The following RBFOX1 variants were observed in gnomAD, a reference collection of about 807,000 sequenced individuals.
RBFOX1 encodes RNA binding fox-1 homolog 1.
A neutral mutation model predicts 57.7 loss-of-function variants in RBFOX1; 8 were observed. The ratio of observed to expected loss-of-function variants is 0.14; its 90% confidence interval spans 0.08 to 0.25. The LOEUF (loss-of-function observed/expected upper bound fraction) is 0.25. Among genes scored for constraint, RBFOX1 ranks in the 10% least tolerant of loss-of-function variants. The pLI is 1.00. For synonymous variants in RBFOX1, 326 were observed against 222.4 expected (o/e 1.47, Z -4.15); for missense variants, 611 against 548.5 (o/e 1.11, Z -1.14).
At chr16:6,994,924 G>A (rs2092027798) in intron 3 of RBFOX1, among the ~76,000 whole-genome samples, 1 of 150,334 alleles carries the variant, frequency 6.7e-6, no homozygotes, top group Non-Finnish European at 1.5e-5. Flanking sequence ...CCCTGATTGG[G>A]CATGTGATTC....
At chr16:7,645,992 T>A (rs2063668527) in intron 11 of RBFOX1, among the ~76,000 whole-genome samples, 1 of 151,688 alleles carries the variant, frequency 6.6e-6, no homozygotes, top group South Asian at 2.1e-4. Context: ...TTACTGGATT[T>A]TTTTAAAAAA....
At chr16:7,249,834 A>C (rs28498697) in intron 4 of RBFOX1, among the ~76,000 whole-genome samples, 3 of 152,342 alleles carry the variant, frequency 2.0e-5, no homozygotes, top group South Asian at 2.1e-4. Flanking sequence ...AAGTGGAAAT[A>C]CTTGAATAAA....
intron 5 of RBFOX1, among the ~76,000 whole-genome samples, chr16:7,544,797 T>C (rs182953693): frequency 6.6e-6 from 1 of 152,158 alleles, no homozygotes; most frequent in Non-Finnish European, 1.5e-5. Flanking sequence ...TTGTTGTTGT[T>C]GTTTTTGTTT....
At chr16:6,224,749 G>A (rs894921151) in intron 1 of RBFOX1, among the ~76,000 whole-genome samples, 6 of 152,114 alleles carry the variant, frequency 3.9e-5, no homozygotes, top group African/African-American at 9.7e-5. Flanking sequence ...GGCCAGGTGC[G>A]GTGGCTCACG....
chr16:5,370,363 C>T (rs2065826520), intron 1 of RBFOX1, among the ~76,000 whole-genome samples: 1 of 152,002 alleles, frequency 6.6e-6, no homozygotes, highest in Non-Finnish European at 1.5e-5. Flanking sequence ...TTGACGTCCT[C>T]CCTGGTGCCA....
intron 3 of RBFOX1, among the ~76,000 whole-genome samples, chr16:6,964,908 C>G (rs908985192): frequency 1.3e-5 from 2 of 152,180 alleles, no homozygotes; most frequent in East Asian, 3.8e-4. Context: ...TGACTTAAGC[C>G]AGGCTAATCC....
At chr16:5,793,140 C>G (rs923023212) in intron 3 of RBFOX1, among the ~76,000 whole-genome samples, 1 of 152,166 alleles carries the variant, frequency 6.6e-6, no homozygotes, top group Admixed American at 6.5e-5. Context: ...CCATGACTCC[C>G]TTTCTCTCTG....
intron 3 of RBFOX1, among the ~76,000 whole-genome samples, chr16:5,672,292 C>A (rs1454879868): frequency 1.3e-5 from 2 of 152,112 alleles, no homozygotes; most frequent in Non-Finnish European, 2.9e-5. Context: ...AATTACAGAT[C>A]AATAAACCTG....
intron 3 of RBFOX1, among the ~76,000 whole-genome samples, chr16:7,027,422 A>G (rs1055792834): frequency 5.3e-5 from 8 of 152,118 alleles, no homozygotes; most frequent in African/African-American, 1.9e-4. Context: ...CACCCTTAAC[A>G]TCTCCTTTTT....
At chr16:5,782,627 C>T (rs1431415516) in intron 3 of RBFOX1, among the ~76,000 whole-genome samples, 2 of 152,116 alleles carry the variant, frequency 1.3e-5, no homozygotes, top group East Asian at 1.9e-4. Context: ...GGAAACAGAA[C>T]CAATGGGAGA....
At chr16:5,836,551 C>G (rs2056463214) in intron 3 of RBFOX1, among the ~76,000 whole-genome samples, 1 of 152,212 alleles carries the variant, frequency 6.6e-6, no homozygotes, top group Non-Finnish European at 1.5e-5. Flanking sequence ...CCACTTCATC[C>G]CCAAGTCCTG....
At chr16:5,470,646 A>G (rs1403487872) in intron 2 of RBFOX1, among the ~76,000 whole-genome samples, 1 of 152,020 alleles carries the variant, frequency 6.6e-6, no homozygotes, top group Admixed American at 6.6e-5. Context: ...ACTGGGTCTC[A>G]TCATCTCTCT....
intron 4 of RBFOX1, among the ~76,000 whole-genome samples, chr16:7,065,708 G>A (rs570353463): frequency 8.7e-4 from 133 of 152,202 alleles, no homozygotes; most frequent in African/African-American, 3.2e-3. Context: ...ATAATACGCT[G>A]TGATTACCTG....
intron 2 of RBFOX1, among the ~76,000 whole-genome samples, chr16:5,489,380 C>T (rs1314621760): frequency 2.0e-5 from 3 of 152,212 alleles, no homozygotes; most frequent in African/African-American, 7.2e-5. Context: ...CCTCAAAGGG[C>T]TGGGCTCTGA....
At chr16:5,654,301 A>G (rs953845866) in intron 3 of RBFOX1, among the ~76,000 whole-genome samples, 1 of 152,182 alleles carries the variant, frequency 6.6e-6, no homozygotes, top group Non-Finnish European at 1.5e-5. Flanking sequence ...TCTGGGAGCC[A>G]AGTGTTGAAT....
intron 2 of RBFOX1, among the ~76,000 whole-genome samples, chr16:6,526,389 C>T (rs996666066): frequency 3.3e-5 from 5 of 152,192 alleles, no homozygotes; most frequent in Middle Eastern, 3.4e-3. Context: ...TAGTCTGAGT[C>T]GAATCATCAA....
intron 3 of RBFOX1, among the ~76,000 whole-genome samples, chr16:6,909,460 G>A (rs2070982460): frequency 6.6e-6 from 1 of 152,208 alleles, no homozygotes; most frequent in African/African-American, 2.4e-5. Context: ...ACCTTTCAGA[G>A]ATTACGATGC....
At chr16:6,343,913 A>G (rs1314436575) in intron 2 of RBFOX1, among the ~76,000 whole-genome samples, 1 of 152,180 alleles carries the variant, frequency 6.6e-6, no homozygotes, top group African/African-American at 2.4e-5. Flanking sequence ...TCTCATGTAA[A>G]TTGCTTGAGG....
In RBFOX1 at chr16:7,180,398, T is replaced by C. The variant is rs558454307; in HGVS notation, c.27+128300T>C. Among the ~76,000 whole-genome samples the C allele has an allele frequency of 8.5e-5, 13 of 152,298 alleles. No homozygotes were observed. The East Asian group carries it at 2.1e-3, about 25-fold the overall frequency. ...ACAGCATCTCTGGAAGTCTGACTCC[T>C]AATCATGGGTCACTCTTGTCATCAG... On this transcript the variant is annotated intron_variant, in intron 4 of 15. Coordinates refer to ENST00000550418, the MANE Select transcript of RBFOX1 (RefSeq NM_018723.4).
Sources: allele counts gnomAD v4.1 joint callset (sites outside exome capture counted in the v4.1 genomes callset), GRCh38; gene constraint gnomAD v4.1.1; transcripts MANE v1.5; gene names NCBI Gene and HGNC (gene_info 2026-07-23, HGNC 2026-07-21).